Variants in PPM1L observed in about 807,000 individuals in gnomAD.
The protein encoded by PPM1L is protein phosphatase 1L.
A neutral mutation model predicts 31.4 loss-of-function variants in PPM1L; 13 were observed. The observed-to-expected ratio is 0.41, with a 90% confidence interval of 0.27 to 0.66. PPM1L has a LOEUF of 0.66. Among genes scored for constraint, PPM1L ranks in the 30% least tolerant of loss-of-function variants. The probability of loss-of-function intolerance (pLI) is 0.29; values close to 1 mark genes in which losing one functional copy is unlikely to be tolerated. For missense variants in PPM1L, 326 were observed against 453.7 expected (o/e 0.72, Z 2.56); for synonymous variants, 184 against 175.4 (o/e 1.05, Z -0.39).
At chr3:160,877,275 T>A (rs1026292359) in intron 1 of PPM1L, among the ~76,000 whole-genome samples, 1 of 152,160 alleles carries the variant, frequency 6.6e-6, no homozygotes, top group Non-Finnish European at 1.5e-5. Context: ...GGAGAAAAAT[T>A]TGGCTTTTGC....
intron 2 of PPM1L, among the ~76,000 whole-genome samples, chr3:161,047,088 A>G (rs1719104324): frequency 1.3e-5 from 2 of 152,316 alleles, no homozygotes; most frequent in South Asian, 4.1e-4. Flanking sequence ...AGTTCTGGCC[A>G]GGGCAATCAG....
chr3:160,975,188 T>C (rs968645273), intron 2 of PPM1L, among the ~76,000 whole-genome samples: 1 of 152,204 alleles, frequency 6.6e-6, no homozygotes, highest in Admixed American at 6.5e-5. Flanking sequence ...GTTGTAGATA[T>C]GCGGCGTTAT....
intron 2 of PPM1L, among the ~76,000 whole-genome samples, chr3:161,033,064 TGA>T (rs78372079): frequency 0.31 from 47,384 of 151,170 alleles, 7,829 homozygotes; most frequent in East Asian, 0.63. Flanking sequence ...GAGTATCCTT[TGA>T]GATAAGAGTC....
At position 161,077,773 on chromosome 3, in the gene PPM1L, A is replaced by G. The variant is rs1720153670; in HGVS notation, c.*8616A>G. ...TACACATTCCAGAGTCTAAGCATGG[A>G]ATTTAAGTTTTGTATTTTGAACAAA... On this transcript the variant is annotated 3_prime_UTR_variant, in exon 4 of 4. Transcript: ENST00000498165. 6.6e-6 allele frequency: 1 copy of G among 152,306 alleles called. No homozygotes were observed. Among genetic ancestry groups the G allele is most frequent in the African/African-American group, 2.4e-5 (1 of 41,560 alleles). The allele number at this position is 152,306 out of a possible 1,614,324, so 9.4% of individuals were successfully genotyped here. A position where few individuals can be genotyped will look rare whatever the true frequency, so the allele number is the denominator to read the frequency against.
In PPM1L at chr3:161,038,625, C is replaced by G. The variant is rs1023852951; in HGVS notation, c.575-26778C>G. Among the ~76,000 whole-genome samples the G allele has an allele frequency of 5.5e-4, 81 of 146,580 alleles. 1 individual carries two copies. The highest frequency in any genetic ancestry group is 2.8e-4 in the Non-Finnish European group (19 of 66,964). ...AAAAAAAAAAAAAGCAAAATTGACTCCATCCTGACATCTTTTTCATTCTTT... is the reference window on the plus strand; with the variant it reads ...AAAAAAAAAAAAAGCAAAATTGACTGCATCCTGACATCTTTTTCATTCTTT... On this transcript the variant is annotated intron_variant, in intron 2 of 3. Transcript: ENST00000498165.
At chr3:160,927,007 A>G (rs1290968854) in intron 1 of PPM1L, among the ~76,000 whole-genome samples, 1 of 152,248 alleles carries the variant, frequency 6.6e-6, no homozygotes, top group East Asian at 1.9e-4. Context: ...TTTGCAGATG[A>G]ATCAAGAAAG....
chr3:160,923,062 T>C (rs1298552106), intron 1 of PPM1L, among the ~76,000 whole-genome samples: 1 of 152,232 alleles, frequency 6.6e-6, no homozygotes, highest in Non-Finnish European at 1.5e-5. Context: ...TGGAGATTAT[T>C]ACTAGCAATG....
At chr3:160,969,182 C>T (rs913550795) in intron 2 of PPM1L, among the ~76,000 whole-genome samples, 3 of 152,128 alleles carry the variant, frequency 2.0e-5, no homozygotes, top group African/African-American at 7.2e-5. Context: ...TTTATGATTC[C>T]CTGATGTAGC....
At chr3:160,817,376 T>G (rs924781238) in intron 1 of PPM1L, among the ~76,000 whole-genome samples, 1 of 151,952 alleles carries the variant, frequency 6.6e-6, no homozygotes, top group Non-Finnish European at 1.5e-5. Flanking sequence ...TGTTGAGATG[T>G]GAGGTAATGA....
intron 1 of PPM1L, among the ~76,000 whole-genome samples, chr3:160,807,050 A>T (rs1712626097): frequency 6.6e-6 from 1 of 152,236 alleles, no homozygotes; most frequent in African/African-American, 2.4e-5. Context: ...GGGCCGAGGC[A>T]TCAAGTTTTT....
chr3:160,856,168 C>T (rs1371655210), intron 1 of PPM1L, among the ~76,000 whole-genome samples: 7 of 152,118 alleles, frequency 4.6e-5, no homozygotes, highest in Admixed American at 2.0e-4. Context: ...TTGTGCCCAC[C>T]GAGATTGAGA....
At position 160,756,269 on chromosome 3, in the gene PPM1L, C is replaced by T; in HGVS notation, c.-40C>T. 1 of 1,567,450 alleles carries T rather than the reference C, an allele frequency of 6.4e-7. No homozygotes were observed. Reference sequence around the variant, plus strand: ...TCCCGGACCCGGCGAGCCTTCGGGGCGCGCGTCGCTGGTGGTGGTTGAGGC... The same window carrying T: ...TCCCGGACCCGGCGAGCCTTCGGGGTGCGCGTCGCTGGTGGTGGTTGAGGC... On this transcript the variant is annotated 5_prime_UTR_variant, in exon 1 of 4. Transcript: ENST00000498165. The surrounding 1 kb of genome is among the most constrained non-coding windows in gnomAD (Gnocchi z 6.2).
At chr3:160,767,966 A>G (rs1328170899) in intron 1 of PPM1L, among the ~76,000 whole-genome samples, 1 of 152,160 alleles carries the variant, frequency 6.6e-6, no homozygotes, top group Non-Finnish European at 1.5e-5. Context: ...AAGTCTCTTA[A>G]TGACACCGTC....
At chr3:160,846,827 C>A (rs895844137) in intron 1 of PPM1L, among the ~76,000 whole-genome samples, 1 of 152,116 alleles carries the variant, frequency 6.6e-6, no homozygotes, top group Non-Finnish European at 1.5e-5. Context: ...TTACCCCTAT[C>A]TAATTCTACA....
At chr3:160,857,082 A>G (rs1711733180) in intron 1 of PPM1L, among the ~76,000 whole-genome samples, 1 of 152,218 alleles carries the variant, frequency 6.6e-6, no homozygotes, top group African/African-American at 2.4e-5. Flanking sequence ...AGTTTCTACC[A>G]CTTTAAAAGA....
intron 1 of PPM1L, among the ~76,000 whole-genome samples, chr3:160,882,065 A>AG (rs1712740906): frequency 6.6e-6 from 1 of 151,858 alleles, no homozygotes; most frequent in African/African-American, 2.4e-5. Context: ...AAAAAAAAAA[A>AG]GTATGTATTC....
At chr3:161,042,984 C>T (rs1718954395) in intron 2 of PPM1L, among the ~76,000 whole-genome samples, 1 of 149,870 alleles carries the variant, frequency 6.7e-6, no homozygotes, top group Admixed American at 6.6e-5. Flanking sequence ...CACGCCAGTG[C>T]ACTCCAGCCT....
chr3:160,840,338 A>G (rs530751508), intron 1 of PPM1L, among the ~76,000 whole-genome samples: 2 of 152,258 alleles, frequency 1.3e-5, no homozygotes, highest in African/African-American at 4.8e-5. Context: ...CCTACCAGAG[A>G]GTTCTGGAAT....
At chr3:160,790,665 CA>C in intron 1 of PPM1L, among the ~76,000 whole-genome samples, 1 of 151,990 alleles carries the variant, frequency 6.6e-6, no homozygotes, top group Non-Finnish European at 1.5e-5. Flanking sequence ...GCTGAGGTTA[CA>C]TTACTTAGGA....
Sources: allele counts gnomAD v4.1 joint callset (sites outside exome capture counted in the v4.1 genomes callset), GRCh38; gene constraint gnomAD v4.1.1; non-coding constraint Gnocchi (gnomAD v3.1); transcripts MANE v1.5; gene names NCBI Gene and HGNC (gene_info 2026-07-23, HGNC 2026-07-21).